HDAC9: variants seen among roughly 807,000 people sequenced by gnomAD.
HDAC9 encodes histone deacetylase 9, also known as MEF-2 interacting transcription repressor (MITR) protein.
In HDAC9, 41 loss-of-function variants were observed where a neutral mutation model predicts 139.4. The observed-to-expected ratio is 0.29, with a 90% confidence interval of 0.23 to 0.38. HDAC9 has a LOEUF of 0.38. Ranked by LOEUF, HDAC9 falls within the 10% of genes least tolerant of loss-of-function variation. The pLI is 1.00. For synonymous variants in HDAC9, 517 were observed against 476.2 expected, an observed-to-expected ratio of 1.09 and a Z score of -1.12; for missense variants, 1,147 against 1,297.0, an observed-to-expected ratio of 0.88 and a Z score of 1.78.
At position 18,136,385 on chromosome 7, in the gene HDAC9, G is replaced by A. The variant is rs1380383581; in HGVS notation, c.-96-25844G>A. Among the ~76,000 whole-genome samples the A allele has an allele frequency of 5.5e-3, 835 of 152,056 alleles. 6 individuals carry two copies. Among genetic ancestry groups the A allele is most frequent in the Non-Finnish European group, 8.5e-3 (575 of 67,954 alleles). On this transcript the variant is annotated intron_variant, in intron 1 of 12. Coordinates refer to the HDAC9 transcript ENST00000417496. ...AGACATGAAGTCCTTGCCCATGCCT[G>A]TGTCCTGAATGGTAATGCCTAGGTT...
intron 2 of HDAC9, among the ~76,000 whole-genome samples, chr7:18,189,493 G>GA (rs377094277): frequency 6.6e-6 from 1 of 151,766 alleles, no homozygotes; most frequent in Non-Finnish European, 1.5e-5. Flanking sequence ...AAGAAATAAA[G>GA]AAAAAAAAGA....
chr7:18,825,547 G>A lies in HDAC9; in HGVS notation c.2323-3614G>A, dbSNP rs116173247. Among the ~76,000 whole-genome samples, 921 of 152,122 alleles carry A rather than the reference G, an allele frequency of 6.1e-3. 9 individuals are homozygous for A. The highest frequency in any genetic ancestry group is 0.021 in the African/African-American group (892 of 41,512). ...AGAGCTTCTTTAGTGGACTAATGAG[G>A]TTGGAGGAGAAATTAGAGGTTGATA... On this transcript the variant is annotated intron_variant, in intron 17 of 25. Coordinates refer to ENST00000686413, the MANE Select transcript of HDAC9 (RefSeq NM_178425.4).
chr7:18,914,294 T>A (rs995162214), intron 22 of HDAC9, among the ~76,000 whole-genome samples: 5 of 151,602 alleles, frequency 3.3e-5, no homozygotes, highest in Admixed American at 2.0e-4. Flanking sequence ...CTACCCAGTT[T>A]ATGGTATTTT....
chr7:18,792,066 G>T (rs1792361923), intron 16 of HDAC9, among the ~76,000 whole-genome samples: 1 of 151,744 alleles, frequency 6.6e-6, no homozygotes. Flanking sequence ...CTTTTATTAT[G>T]TATGCACTTA....
chr7:18,476,337 C>T (rs544047431), intron 1 of HDAC9, among the ~76,000 whole-genome samples: 1 of 152,102 alleles, frequency 6.6e-6, no homozygotes, highest in Non-Finnish European at 1.5e-5. Flanking sequence ...AAGTATTTCC[C>T]CAAGGGACAA....
chr7:18,247,059 G>C (rs1794595182), intron 2 of HDAC9, among the ~76,000 whole-genome samples: 1 of 152,108 alleles, frequency 6.6e-6, no homozygotes, highest in South Asian at 2.1e-4. Flanking sequence ...GGCTGGAGCA[G>C]GCTTGCAGGG....
At chr7:18,519,661 C>G (rs924254605) in intron 2 of HDAC9, among the ~76,000 whole-genome samples, 1 of 152,000 alleles carries the variant, frequency 6.6e-6, no homozygotes, top group Non-Finnish European at 1.5e-5. Flanking sequence ...GAAGAGCACA[C>G]TGTTCAAATT....
At chr7:18,522,137 G>T (rs933771613) in intron 2 of HDAC9, among the ~76,000 whole-genome samples, 2 of 152,136 alleles carry the variant, frequency 1.3e-5, no homozygotes, top group African/African-American at 4.8e-5. Flanking sequence ...AATGTGTTAT[G>T]CATATATTAC....
intron 2 of HDAC9, among the ~76,000 whole-genome samples, chr7:18,279,990 A>G (rs1298361656): frequency 2.0e-5 from 3 of 152,210 alleles, no homozygotes; most frequent in Non-Finnish European, 4.4e-5. Context: ...AATTACCCTT[A>G]AAAAGATTGA....
chr7:18,616,607 A>G lies in HDAC9; in HGVS notation c.665-12743A>G, dbSNP rs116853542. ...AAGTTATAAATGCTATTGAGGTAGA[A>G]TTGAATTACCAATAACGTTCCAAAA... is the stretch of plus-strand genomic sequence containing the variant. On this transcript the variant is annotated intron_variant, in intron 6 of 25. Transcript: ENST00000686413. Among the ~76,000 whole-genome samples, 1,034 of 152,338 alleles carry G rather than the reference A, an allele frequency of 6.8e-3. 5 individuals carry two copies. The highest frequency in any genetic ancestry group is 0.01 in the Non-Finnish European group (711 of 68,014).
chr7:18,871,438 G>A (rs2028015), intron 21 of HDAC9, among the ~76,000 whole-genome samples: 40,444 of 151,968 alleles, frequency 0.27, 6,048 homozygotes, highest in South Asian at 0.49. Flanking sequence ...TGTCACTGGG[G>A]TGCCATTGCT....
chr7:18,569,695 TA>T (rs1823615705), intron 2 of HDAC9, among the ~76,000 whole-genome samples: 1 of 152,210 alleles, frequency 6.6e-6, no homozygotes, highest in African/African-American at 2.4e-5. Context: ...TGCCAAATTA[TA>T]AATGTCTTCA....
In HDAC9 at chr7:18,585,181, CAGG is replaced by C. The variant is rs1829072493; in HGVS notation, c.23-99_23-97del. ...AGTCATTGGCATAAAATTTGTTGTA[CAGG>C]GTCTTATACTTTTTATTTGTTTCCA... On this transcript the variant is annotated intron_variant, in intron 2 of 25. Transcript: ENST00000686413. 5.3e-6 allele frequency: 7 copies of C among 1,327,816 alleles called. No homozygotes were observed. In the East Asian group the frequency reaches 1.6e-4, roughly 31 times the overall value. 82.3% of individuals were successfully genotyped at this position (1,327,816 alleles called of 1,614,324 possible).
intron 2 of HDAC9, among the ~76,000 whole-genome samples, chr7:18,276,682 C>T (rs6956728): frequency 0.38 from 58,132 of 151,952 alleles, 12,597 homozygotes; most frequent in Admixed American, 0.51. Context: ...CTTCCATAGA[C>T]AGTGAGTGGT....
intron 1 of HDAC9, among the ~76,000 whole-genome samples, chr7:18,142,090 C>T (rs918363285): frequency 6.6e-6 from 1 of 152,058 alleles, no homozygotes; most frequent in African/African-American, 2.4e-5. Context: ...TGAAGAATTC[C>T]AGCACTTCAC....
intron 2 of HDAC9, among the ~76,000 whole-genome samples, chr7:18,187,723 T>C (rs1000010435): frequency 2.0e-5 from 3 of 152,216 alleles, no homozygotes; most frequent in African/African-American, 7.2e-5. Context: ...TAGTGAATCT[T>C]ACTAAAGCAC....
intron 1 of HDAC9, among the ~76,000 whole-genome samples, chr7:18,126,985 A>G (rs1244893298): frequency 6.6e-6 from 1 of 152,190 alleles, no homozygotes; most frequent in South Asian, 2.1e-4. Flanking sequence ...GAAAGAGGAT[A>G]AATGAATAGT....
chr7:18,279,568 C>T (rs1266997188), intron 2 of HDAC9, among the ~76,000 whole-genome samples: 5 of 151,848 alleles, frequency 3.3e-5, no homozygotes, highest in East Asian at 1.9e-4. Context: ...CGGGTTCAAG[C>T]GATTCTCCTG....
chr7:18,699,441 CTG>C (rs1304345418), intron 12 of HDAC9, among the ~76,000 whole-genome samples: 1 of 151,832 alleles, frequency 6.6e-6, no homozygotes, highest in Non-Finnish European at 1.5e-5. Flanking sequence ...CTAGCAAAAC[CTG>C]TGAGGCAATT....
Sources: allele counts gnomAD v4.1 joint callset (sites outside exome capture counted in the v4.1 genomes callset), GRCh38; gene constraint gnomAD v4.1.1; transcripts MANE v1.5; gene names NCBI Gene and HGNC (gene_info 2026-07-23, HGNC 2026-07-21).